GMDS: variants seen among roughly 807,000 people sequenced by gnomAD.
GMDS encodes the protein GDP-mannose 4,6-dehydratase.
GMDS carries 20 observed loss-of-function variants against 49.9 expected under a neutral mutation model. The ratio of observed to expected loss-of-function variants is 0.40; its 90% CI spans 0.28 to 0.58. The LOEUF (loss-of-function observed/expected upper bound fraction) is 0.58, where lower values mean the gene tolerates loss of function less well. Among genes scored for constraint, GMDS ranks in the 20% least tolerant of loss-of-function variants. GMDS has a pLI of 0.42. For synonymous variants in GMDS, 177 were observed against 178.6 expected, an observed-to-expected ratio of 0.99 and a Z score of 0.07; for missense variants, 362 against 481.4, an observed-to-expected ratio of 0.75 and a Z score of 2.32.
At chr6:1,976,771 C>G (rs1030057979) in intron 4 of GMDS, among the ~76,000 whole-genome samples, 3 of 152,146 alleles carry the variant, frequency 2.0e-5, no homozygotes, top group Non-Finnish European at 4.4e-5. Flanking sequence ...AAGGTATTCA[C>G]CACATAGTTT....
At chr6:2,016,052 A>AAATAC (rs1554147143) in intron 4 of GMDS, among the ~76,000 whole-genome samples, 1 of 143,726 alleles carries the variant, frequency 7.0e-6, no homozygotes. Flanking sequence ...AGCCTAGGCA[A>AAATAC]CAAAACCCTG....
At chr6:1,927,579 T>G (rs1002541323) in intron 7 of GMDS, among the ~76,000 whole-genome samples, 20 of 152,376 alleles carry the variant, frequency 1.3e-4, no homozygotes, top group African/African-American at 4.8e-4. Flanking sequence ...TATTTTATGC[T>G]AATTCAAACG....
chr6:1,919,590 T>C (rs1027311851), intron 7 of GMDS, among the ~76,000 whole-genome samples: 7 of 152,204 alleles, frequency 4.6e-5, no homozygotes, highest in Admixed American at 2.0e-4. Context: ...ACCTCAAATT[T>C]ATCTGTTTGG....
chr6:2,133,222 G>A (rs1220239983), intron 1 of GMDS, among the ~76,000 whole-genome samples: 1 of 152,132 alleles, frequency 6.6e-6, no homozygotes, highest in Non-Finnish European at 1.5e-5. Context: ...AAAAACTGCA[G>A]TAAAAAGAGA....
Position 2,061,718 on chromosome 6 carries a change from CAAAA to C in GMDS, c.345+54049_345+54052del, listed in dbSNP as rs68037512. 1.9e-4 allele frequency among the ~76,000 whole-genome samples: 11 copies of C among 57,098 alleles called. No homozygotes were observed. In the South Asian group the frequency reaches 2.7e-3, roughly 14 times the overall value. 37.5% of individuals were successfully genotyped at this position (57,098 alleles called of 152,430 possible). A position where few individuals can be genotyped will look rare whatever the true frequency, so the allele number is the denominator to read the frequency against. ...TGGGTGACAGTGCAAGACTCTGTCT[CAAAA>C]AAAAAAAAAAAAAAAAAAAAATCTG... is the stretch of plus-strand genomic sequence containing the variant. On this transcript the variant is annotated intron_variant, in intron 4 of 10. Coordinates refer to ENST00000380815, the MANE Select transcript of GMDS (RefSeq NM_001500.4).
intron 9 of GMDS, among the ~76,000 whole-genome samples, chr6:1,706,089 C>T (rs900675031): frequency 3.9e-5 from 6 of 152,126 alleles, no homozygotes; most frequent in East Asian, 3.8e-4. Context: ...GGTACTATAG[C>T]GGGCAGGCCT....
intron 4 of GMDS, among the ~76,000 whole-genome samples, chr6:2,044,947 T>TCA (rs1769912842): frequency 6.6e-6 from 1 of 152,074 alleles, no homozygotes; most frequent in African/African-American, 2.4e-5. Context: ...AGGAACTATC[T>TCA]CACCTTTTTC....
chr6:1,754,926 C>T (rs570894640), intron 7 of GMDS, among the ~76,000 whole-genome samples: 2 of 152,276 alleles, frequency 1.3e-5, no homozygotes, highest in South Asian at 2.1e-4. Context: ...AACCCACAGC[C>T]AATATCATAC....
intron 7 of GMDS, among the ~76,000 whole-genome samples, chr6:1,888,357 C>T (rs1184418478): frequency 6.6e-6 from 1 of 152,038 alleles, no homozygotes; most frequent in Non-Finnish European, 1.5e-5. Flanking sequence ...GAAGGGGAAG[C>T]AAGGCACCTT....
intron 4 of GMDS, among the ~76,000 whole-genome samples, chr6:2,019,334 C>T (rs142411480): frequency 0.014 from 2,068 of 151,878 alleles, 49 homozygotes; most frequent in African/African-American, 0.048. Flanking sequence ...AGCCTCCATG[C>T]AATGTTGAAT....
chr6:1,659,296 G>C (rs1763990922), intron 9 of GMDS, among the ~76,000 whole-genome samples: 1 of 151,526 alleles, frequency 6.6e-6, no homozygotes, highest in Admixed American at 6.6e-5. Context: ...GTGGCCTTTA[G>C]TAACTTTACC....
intron 4 of GMDS, among the ~76,000 whole-genome samples, chr6:2,099,415 G>C (rs560862217): frequency 6.6e-6 from 1 of 152,000 alleles, no homozygotes; most frequent in Non-Finnish European, 1.5e-5. Flanking sequence ...GGGCACAACA[G>C]GTTCTACTGT....
chr6:1,647,437 A>G (rs1561697030), intron 9 of GMDS, among the ~76,000 whole-genome samples: 2 of 152,198 alleles, frequency 1.3e-5, no homozygotes, highest in Non-Finnish European at 2.9e-5. Context: ...AGCAGGCTGA[A>G]GGGTCTGGAA....
chr6:2,220,114 T>C (rs1780517197), intron 1 of GMDS, among the ~76,000 whole-genome samples: 2 of 152,192 alleles, frequency 1.3e-5, no homozygotes, highest in African/African-American at 4.8e-5. Flanking sequence ...ATCAAAGACT[T>C]GTAAGACAAA....
chr6:2,207,461 T>TA (rs2127580549), intron 1 of GMDS, among the ~76,000 whole-genome samples: 1 of 152,026 alleles, frequency 6.6e-6, no homozygotes, highest in South Asian at 2.1e-4. Flanking sequence ...CCCCAAATAA[T>TA]ATAGGGATTG....
intron 7 of GMDS, among the ~76,000 whole-genome samples, chr6:1,801,112 T>TG (rs1369216425): frequency 6.6e-6 from 1 of 152,182 alleles, no homozygotes; most frequent in African/African-American, 2.4e-5. Context: ...TGAGGACCTG[T>TG]GACTAGAATA....
At chr6:1,637,603 G>A (rs1271026139) in intron 9 of GMDS, among the ~76,000 whole-genome samples, 1 of 152,188 alleles carries the variant, frequency 6.6e-6, no homozygotes, top group Non-Finnish European at 1.5e-5. Flanking sequence ...TGGCACAAGG[G>A]GAAGCACGTT....
chr6:1,727,005 C>T (rs181138227), intron 8 of GMDS, among the ~76,000 whole-genome samples: 2 of 152,078 alleles, frequency 1.3e-5, no homozygotes, highest in Admixed American at 1.3e-4. Context: ...CCTAATTAAC[C>T]ATTCAATGCA....
intron 7 of GMDS, among the ~76,000 whole-genome samples, chr6:1,855,253 C>G (rs1279814254): frequency 6.6e-6 from 1 of 152,166 alleles, no homozygotes; most frequent in Non-Finnish European, 1.5e-5. Context: ...ATTCAGAGTC[C>G]CAGAGCTGTT....
Sources: allele counts gnomAD v4.1 joint callset (sites outside exome capture counted in the v4.1 genomes callset), GRCh38; gene constraint gnomAD v4.1.1; transcripts MANE v1.5; gene names NCBI Gene and HGNC (gene_info 2026-07-23, HGNC 2026-07-21).